The following PDZRN4 variants were observed in gnomAD, a reference collection of about 807,000 sequenced individuals.
PDZRN4 encodes PDZ domain containing ring finger 4.
In PDZRN4, 70 loss-of-function variants were observed where a neutral mutation model predicts 99.0. That is an observed-to-expected ratio of 0.71 (90% CI 0.58 to 0.86). PDZRN4 has a LOEUF of 0.86. Ranked by LOEUF, PDZRN4 falls within the 40% of genes least tolerant of loss-of-function variation. The probability of loss-of-function intolerance (pLI) is 0.00; values close to 1 mark genes in which losing one functional copy is unlikely to be tolerated. For synonymous variants in PDZRN4, 551 were observed against 501.6 expected (o/e 1.10, Z -1.32); for missense variants, 1,474 against 1,331.2 (o/e 1.11, Z -1.67).
intron 3 of PDZRN4, among the ~76,000 whole-genome samples, chr12:41,331,792 C>G (rs114156346): frequency 6.6e-6 from 1 of 151,876 alleles, no homozygotes; most frequent in Non-Finnish European, 1.5e-5. Flanking sequence ...GAATGAGAAC[C>G]GAGCAAAGCA....
At chr12:41,191,434 G>A in intron 1 of PDZRN4, 24 bp from the exon 2 acceptor site, 3 of 1,151,312 alleles carry the variant, frequency 2.6e-6, no homozygotes, top group Non-Finnish European at 3.9e-6. Flanking sequence ...ACCTGGTTAA[G>A]TCATTTTATA....
intron 3 of PDZRN4, among the ~76,000 whole-genome samples, chr12:41,493,223 G>A (rs919598390): frequency 6.6e-6 from 1 of 152,190 alleles, no homozygotes. Flanking sequence ...GTGATTAAAT[G>A]TACATAAAAT....
At chr12:41,360,971 TG>T (rs1173076695) in intron 3 of PDZRN4, among the ~76,000 whole-genome samples, 7 of 132,522 alleles carry the variant, frequency 5.3e-5, no homozygotes, top group African/African-American at 1.9e-4. Flanking sequence ...TGTGTGTGTG[TG>T]TGTGTATTCT....
intron 7 of PDZRN4, among the ~76,000 whole-genome samples, chr12:41,557,682 CT>C (rs34041922): frequency 0.042 from 6,101 of 145,680 alleles, 175 homozygotes; most frequent in African/African-American, 0.086. Context: ...TGCAGAGCTC[CT>C]TTTTTTTTTT....
chr12:41,526,367 A>G (rs1255251120), intron 5 of PDZRN4, among the ~76,000 whole-genome samples: 1 of 152,158 alleles, frequency 6.6e-6, no homozygotes, highest in African/African-American at 2.4e-5. Flanking sequence ...TCTGGTTCAC[A>G]AGTGCTGGAG....
chr12:41,481,056 A>G (rs573445925), intron 3 of PDZRN4, among the ~76,000 whole-genome samples: 1 of 152,146 alleles, frequency 6.6e-6, no homozygotes, highest in South Asian at 2.1e-4. Flanking sequence ...ACATGAGGAA[A>G]GTGTGGTGTA....
At chr12:41,533,181 T>C (rs182429395) in intron 5 of PDZRN4, among the ~76,000 whole-genome samples, 2,936 of 61,614 alleles carry the variant, frequency 0.048, 85 homozygotes, top group African/African-American at 0.2. Context: ...TTTTCTTTTC[T>C]TTTTTTTTTT....
chr12:41,556,661 T>G (rs1268973666), intron 7 of PDZRN4, among the ~76,000 whole-genome samples: 2 of 152,022 alleles, frequency 1.3e-5, no homozygotes, highest in Admixed American at 1.3e-4. Flanking sequence ...ATATGTTTTA[T>G]TCCCCACATG....
At chr12:41,283,334 G>T (rs1951401798) in intron 3 of PDZRN4, among the ~76,000 whole-genome samples, 1 of 152,008 alleles carries the variant, frequency 6.6e-6, no homozygotes, top group Non-Finnish European at 1.5e-5. Flanking sequence ...TCCCTGAATA[G>T]AACAAAAACA....
chr12:41,416,561 G>A (rs1952447019), intron 3 of PDZRN4, among the ~76,000 whole-genome samples: 1 of 151,596 alleles, frequency 6.6e-6, no homozygotes, highest in South Asian at 2.1e-4. Flanking sequence ...GGAGGCTGAG[G>A]CAGGAGAATA....
chr12:41,271,961 A>G (rs1219631572), intron 3 of PDZRN4, among the ~76,000 whole-genome samples: 1 of 152,118 alleles, frequency 6.6e-6, no homozygotes, highest in African/African-American at 2.4e-5. Flanking sequence ...AATACTGCAC[A>G]GACAACAAAT....
chr12:41,438,296 T>C (rs1952648971), intron 3 of PDZRN4, among the ~76,000 whole-genome samples: 1 of 152,200 alleles, frequency 6.6e-6, no homozygotes, highest in South Asian at 2.1e-4. Context: ...TCCATGTCTG[T>C]AATATTTTGA....
intron 3 of PDZRN4, among the ~76,000 whole-genome samples, chr12:41,293,175 A>C (rs2120913340): frequency 7.2e-6 from 1 of 138,322 alleles, no homozygotes; most frequent in East Asian, 2.3e-4. Flanking sequence ...ACCAGCCAGA[A>C]GTTAGTCATT....
At chr12:41,422,762 G>A (rs899157395) in intron 3 of PDZRN4, among the ~76,000 whole-genome samples, 3 of 152,152 alleles carry the variant, frequency 2.0e-5, no homozygotes, top group African/African-American at 2.4e-5. Context: ...TGAGATTTGG[G>A]TGGGGACACA....
chr12:41,427,278 T>A (rs1952545063), intron 3 of PDZRN4, among the ~76,000 whole-genome samples: 1 of 152,212 alleles, frequency 6.6e-6, no homozygotes, highest in African/African-American at 2.4e-5. Context: ...TTTGGAATAT[T>A]TTCACAATGC....
rs1458682110 is a variant in PDZRN4 at position 41,531,958 on chromosome 12, AT to A, written c.1204-20691del. Among the ~76,000 whole-genome samples, 4 of 152,058 alleles carry A rather than the reference AT, an allele frequency of 2.6e-5. 1 individual carries two copies. Among genetic ancestry groups the A allele is most frequent in the South Asian group, 4.1e-4 (2 of 4,832 alleles). Reference sequence around the variant, plus strand: ...AATTTTAATGCAGTAAAATATATTAATTTTTTTATGGTTCATGATTCTTCTA... The same window carrying A: ...AATTTTAATGCAGTAAAATATATTAATTTTTTATGGTTCATGATTCTTCTA... On this transcript the variant is annotated intron_variant, in intron 5 of 9. Transcript: ENST00000402685.
intron 3 of PDZRN4, among the ~76,000 whole-genome samples, chr12:41,252,114 TTAAA>T (rs111411007): frequency 6.7e-6 from 1 of 149,078 alleles, no homozygotes; most frequent in Non-Finnish European, 1.5e-5. Flanking sequence ...AGACCCTGTT[TTAAA>T]TAAATAAATA....
At chr12:41,417,859 G>C (rs1451920584) in intron 3 of PDZRN4, among the ~76,000 whole-genome samples, 4 of 152,046 alleles carry the variant, frequency 2.6e-5, no homozygotes, top group African/African-American at 4.8e-5. Context: ...ACATTGTGTG[G>C]GTCTCAAGAT....
At chr12:41,443,545 G>A (rs899158191) in intron 3 of PDZRN4, among the ~76,000 whole-genome samples, 2 of 152,078 alleles carry the variant, frequency 1.3e-5, no homozygotes, top group Non-Finnish European at 2.9e-5. Context: ...GAGTTCAATT[G>A]TAGATTTGGT....
Sources: allele counts gnomAD v4.1 joint callset (sites outside exome capture counted in the v4.1 genomes callset), GRCh38; gene constraint gnomAD v4.1.1; transcripts MANE v1.5; gene names NCBI Gene and HGNC (gene_info 2026-07-23, HGNC 2026-07-21).